The following IGFL2 variants were observed in gnomAD, a reference collection of about 807,000 sequenced individuals.
IGFL2 encodes the protein insulin growth factor-like family member 2.
A neutral mutation model predicts 13.9 loss-of-function variants in IGFL2; 7 were observed. The observed-to-expected ratio is 0.51, with a 90% CI of 0.29 to 0.95. IGFL2 has a LOEUF of 0.95. Among genes scored for constraint, IGFL2 ranks in the 40% least tolerant of loss-of-function variants. The pLI is 0.08. For synonymous variants in IGFL2, 55 were observed against 55.8 expected (o/e 0.99, Z 0.07); for missense variants, 138 against 147.8 (o/e 0.93, Z 0.34).
the IGFL2 span, among the ~76,000 whole-genome samples, chr19:46,167,457 T>C: frequency 6.6e-6 from 1 of 152,278 alleles, no homozygotes; most frequent in Admixed American, 6.5e-5. Flanking sequence ...TGCCTTGACT[T>C]GTGCAGACCC....
upstream of IGFL2, among the ~76,000 whole-genome samples, chr19:46,143,597 C>T (rs556973342): frequency 8.2e-4 from 125 of 152,214 alleles, 1 homozygote; most frequent in Middle Eastern, 0.017. Context: ...TCAAAAATTA[C>T]ATGCAGATTT....
the IGFL2 span, among the ~76,000 whole-genome samples, chr19:46,098,903 T>C: frequency 6.6e-6 from 1 of 152,202 alleles, no homozygotes; most frequent in African/African-American, 2.4e-5. Context: ...GTTGATGCAG[T>C]TTCTTCATAG....
the IGFL2 span, chr19:46,214,030 C>T: frequency 6.6e-6 from 1 of 152,530 alleles, no homozygotes; most frequent in African/African-American, 2.4e-5. Context: ...TGGCCTTGCT[C>T]AGCTCCGTCC....
the IGFL2 span, chr19:46,124,398 CAG>C: frequency 7.5e-6 from 11 of 1,462,684 alleles, 1 homozygote; most frequent in African/African-American, 1.4e-4. Flanking sequence ...AACAAACAAA[CAG>C]AGGTTAGGGT....
the IGFL2 span, among the ~76,000 whole-genome samples, chr19:46,197,633 G>A: frequency 6.6e-6 from 1 of 152,116 alleles, no homozygotes; most frequent in Non-Finnish European, 1.5e-5. Flanking sequence ...CCAGACTCAA[G>A]CGATCCTCAC....
At chr19:46,115,658 T>C in the IGFL2 span, among the ~76,000 whole-genome samples, 1 of 152,070 alleles carries the variant, frequency 6.6e-6, no homozygotes, top group Non-Finnish European at 1.5e-5. Flanking sequence ...CGACTCTCTG[T>C]GTAATTTAAT....
At chr19:46,134,895 C>G in the IGFL2 span, among the ~76,000 whole-genome samples, 1 of 152,180 alleles carries the variant, frequency 6.6e-6, no homozygotes, top group African/African-American at 2.4e-5. Flanking sequence ...CAAGCCCTGA[C>G]TCTTCTCTGT....
At chr19:46,107,277 G>T in the IGFL2 span, among the ~76,000 whole-genome samples, 1 of 152,196 alleles carries the variant, frequency 6.6e-6, no homozygotes, top group Non-Finnish European at 1.5e-5. Context: ...GATGGTCCAG[G>T]AGGTTTCCAA....
At chr19:46,123,358 T>C in the IGFL2 span, among the ~76,000 whole-genome samples, 677 of 150,868 alleles carry the variant, frequency 4.5e-3, 45 homozygotes, top group African/African-American at 0.016. Context: ...CTAATAAAAA[T>C]ATGCTCAAAT....
At chr19:46,120,218 C>T in the IGFL2 span, 3 of 1,500,270 alleles carry the variant, frequency 2.0e-6, no homozygotes, top group Non-Finnish European at 2.7e-6. Context: ...GTCATTGAGC[C>T]ATCCCTCTGA....
At chr19:46,108,612 G>T in the IGFL2 span, among the ~76,000 whole-genome samples, 3 of 151,958 alleles carry the variant, frequency 2.0e-5, no homozygotes, top group Non-Finnish European at 4.4e-5. Flanking sequence ...GGAGGAGGAG[G>T]GAGTGGTACT....
the IGFL2 span, chr19:46,112,845 C>A: frequency 2.6e-5 from 4 of 152,118 alleles, no homozygotes; most frequent in Non-Finnish European, 5.9e-5. Flanking sequence ...GTGGCTCATA[C>A]TTGGTAATGG....
chr19:46,146,576 C>G (rs1455019017), upstream of IGFL2, among the ~76,000 whole-genome samples: 1 of 152,088 alleles, frequency 6.6e-6, no homozygotes, highest in Non-Finnish European at 1.5e-5. Context: ...TTACAGATTC[C>G]AAACCACGAC....
At chr19:46,161,926 T>G (rs1172974785), downstream of IGFL2, among the ~76,000 whole-genome samples, 1 of 152,226 alleles carries the variant, frequency 6.6e-6, no homozygotes, top group Non-Finnish European at 1.5e-5. Flanking sequence ...GTCTGTGTGT[T>G]TAAGTGTGTT....
the IGFL2 span, chr19:46,123,765 G>C: frequency 8.7e-7 from 1 of 1,143,770 alleles, no homozygotes. Flanking sequence ...GCTTTCCCCT[G>C]CTGCCACCAG....
At chr19:46,211,351 G>A in the IGFL2 span, among the ~76,000 whole-genome samples, 12 of 152,254 alleles carry the variant, frequency 7.9e-5, no homozygotes, top group East Asian at 7.7e-4. Context: ...AGCCAGCAGC[G>A]GACAGGCCTC....
At chr19:46,144,972 AT>A (rs1463726800), upstream of IGFL2, among the ~76,000 whole-genome samples, 1 of 152,082 alleles carries the variant, frequency 6.6e-6, no homozygotes. Flanking sequence ...TTGTCTTTTT[AT>A]TGCTCAAAAG....
upstream of IGFL2, among the ~76,000 whole-genome samples, chr19:46,140,433 C>T (rs1402025161): frequency 1.3e-5 from 2 of 152,090 alleles, no homozygotes; most frequent in Non-Finnish European, 2.9e-5. Flanking sequence ...ATCCCAAATA[C>T]TCAGGAGGCT....
chr19:46,150,409 T>C (rs913070495), intron 1 of IGFL2, among the ~76,000 whole-genome samples: 2 of 152,226 alleles, frequency 1.3e-5, no homozygotes, highest in African/African-American at 4.8e-5. Flanking sequence ...TCTCTTGTGC[T>C]TTTGGTGTAA....
Sources: allele counts gnomAD v4.1 joint callset (sites outside exome capture counted in the v4.1 genomes callset), GRCh38; gene constraint gnomAD v4.1.1; transcripts MANE v1.5; gene names NCBI Gene and HGNC (gene_info 2026-07-23, HGNC 2026-07-21).